Variants in ZNF772 observed in about 807,000 individuals in gnomAD.
ZNF772 encodes zinc finger protein 772.
ZNF772 carries 8 observed loss-of-function variants against 11.0 expected under a neutral mutation model. The observed-to-expected ratio is 0.73, with a 90% CI of 0.43 to 1.31. The LOEUF is 1.31. Ranked by LOEUF, ZNF772 falls within the 50% of genes most tolerant of loss-of-function variation. The pLI is 0.01. For synonymous variants in ZNF772, 155 were observed against 180.4 expected, an observed-to-expected ratio of 0.86 and a Z score of 1.13; for missense variants, 496 against 552.3, an observed-to-expected ratio of 0.90 and a Z score of 1.02.
At chr19:57,474,950 C>A (rs892695717) in intron 3 of ZNF772, 61 of 1,601,206 alleles carry the variant, frequency 3.8e-5, no homozygotes, top group Non-Finnish European at 4.9e-5. Context: ...ACTAATACAA[C>A]TGTAGGCACA....
rs1053508028 is a variant in ZNF772 at position 57,472,175 on chromosome 19, T to C, written c.*1099A>G. 4.4e-6 allele frequency: 2 copies of C among 456,042 alleles called. No individual in the cohort carries two copies. Among genetic ancestry groups the C allele is most frequent in the Non-Finnish European group, 8.8e-6 (2 of 226,916 alleles). The allele number at this position is 456,042 out of a possible 1,614,324, so 28.2% of individuals were successfully genotyped here. On this transcript the variant is annotated 3_prime_UTR_variant, in exon 4 of 4. Coordinates refer to ENST00000356584, the MANE Select transcript of ZNF772 (RefSeq NM_001144068.2). ...TTAGAAGGGTCATATTCCCTATAGT[T>C]TGCTGCAGTTTTCTCATTCCTTTAT... is the stretch of plus-strand genomic sequence containing the variant.
At position 57,473,013 on chromosome 19, in the gene ZNF772, C is replaced by A. The variant is rs372054512; in HGVS notation, c.*261G>T. ...GAAACACATTGGGGTTACTTTGGCA[C>A]AAGGCAGGACTCTTCCAGCACAAAG... On this transcript the variant is annotated 3_prime_UTR_variant, in exon 4 of 4. Coordinates refer to ENST00000356584, the MANE Select transcript of ZNF772 (RefSeq NM_001144068.2). 1.8e-5 allele frequency: 9 copies of A among 499,406 alleles called. No homozygotes were observed. Among genetic ancestry groups the A allele is most frequent in the Admixed American group, 3.5e-5 (1 of 28,908 alleles). 30.9% of individuals were successfully genotyped at this position (499,406 alleles called of 1,614,324 possible).
Position 57,473,444 on chromosome 19 carries a change from A to G in ZNF772, c.1177T>C (p.Tyr393His), listed in dbSNP as rs775990584. 4.3e-6 allele frequency: 7 copies of G among 1,614,168 alleles called. No homozygotes were observed. The highest frequency in any genetic ancestry group is 5.9e-6 in the Non-Finnish European group (7 of 1,180,034). Residue 393 changes from tyrosine to histidine, a missense_variant, in exon 4 of 4, where the codon TAT becomes CAT. Physicochemically the swap from Tyr to His is moderately conservative, Grantham distance 83. Coordinates refer to ENST00000356584, the MANE Select transcript of ZNF772 (RefSeq NM_001144068.2). Reference protein sequence around the residue: ...HQRVHNGEKPYVCSECGKAFS... With the variant: ...HQRVHNGEKPHVCSECGKAFS... ...GCTTTTCCACATTCACTGCACACAT[A>G]AGGCTTTTCACCATTATGAACTCTT...
At position 57,473,558 on chromosome 19, in the gene ZNF772, G is replaced by A. The variant is rs2089242095; in HGVS notation, c.1063C>T (p.His355Tyr). ...YFGHKYRLIKHWSVHTGARPY... is the reference protein window; with the variant it reads ...YFGHKYRLIKYWSVHTGARPY... ...CTTGCTCCAGTATGAACACTCCAAT[G>A]TTTAATGAGTCTGTATTTGTGACCA... is the stretch of plus-strand genomic sequence containing the variant. Residue 355 changes from histidine (H) to tyrosine (Y), a missense_variant, in exon 4 of 4, where the codon CAT (histidine) becomes TAT (tyrosine). Transcript: ENST00000356584. 3 of 1,613,256 alleles carry A rather than the reference G, an allele frequency of 1.9e-6. No individual in the cohort carries two copies. Among genetic ancestry groups the A allele is most frequent in the Non-Finnish European group, 2.5e-6 (3 of 1,179,292 alleles).
In ZNF772 at chr19:57,473,310, G is replaced by A. The variant is rs2089237314; in HGVS notation, c.1311C>T (p.Ile437=). ...GKAFRQRASL[I]RHWKIHTGER... is the part of the protein sequence containing the mutation. ...CTCCAGTGTGAATTTTCCAGTGGCG[G>A]ATGAGGGAAGCCCTCTGCCTGAAGG... Residue 437 remains isoleucine (I), a synonymous_variant, in exon 4 of 4, where the codon ATC becomes ATT. Coordinates refer to ENST00000356584, the MANE Select transcript of ZNF772 (RefSeq NM_001144068.2). 3 of 1,613,102 alleles carry A rather than the reference G, an allele frequency of 1.9e-6. No homozygotes were observed. Among genetic ancestry groups the A allele is most frequent in the East Asian group, 4.5e-5 (2 of 44,840 alleles).
rs781098749 is a variant in ZNF772, at chr19:57,473,855, C to T, written c.766G>A (p.Gly256Ser). ...CGGCTAAAGGTTTTCCCACATTCAC[C>T]GCACTCATAAGGCCTTTCTCCAGTG... ...VHTGERPYEC[G>S]ECGKTFSRKP... Residue 256 changes from glycine (G) to serine (S), a missense_variant, in exon 4 of 4, where the codon GGT becomes AGT. Gly to Ser is a moderately conservative substitution (Grantham distance 56). Transcript: ENST00000356584. The T allele has an allele frequency of 4.4e-5, 71 of 1,612,372 alleles. No homozygotes were observed. The Middle Eastern group carries it at 4.9e-4, about 11-fold the overall frequency.
At chr19:57,474,450 C>CA in intron 3 of ZNF772, 29 bp from the exon 4 acceptor site, 1 of 1,580,932 alleles carries the variant, frequency 6.3e-7, no homozygotes, top group Non-Finnish European at 8.6e-7. Context: ...TGGTGAAGTA[C>CA]AAATTGACAC....
intron 2 of ZNF772, among the ~76,000 whole-genome samples, chr19:57,476,196 C>T (rs1334194210): frequency 1.3e-5 from 2 of 152,230 alleles, no homozygotes; most frequent in Non-Finnish European, 2.9e-5. Flanking sequence ...AACTCTGGCT[C>T]TCCACCATCA....
Position 57,474,102 on chromosome 19 carries a change from A to G in ZNF772, c.519T>C (p.Ala173=). Residue 173 remains alanine, a synonymous_variant, in exon 4 of 4, where the codon GCT becomes GCC. Transcript: ENST00000356584. ...CAAAAGACATCTCCATTGATTGCACAGCACAGTTGTTCAGAAGAAAGGGCC... is the reference window on the plus strand; with the variant it reads ...CAAAAGACATCTCCATTGATTGCACGGCACAGTTGTTCAGAAGAAAGGGCC... ...KSRPFLLNNC[A]VQSMEMSFVT... is the part of the protein sequence containing the mutation. 1 of 1,614,176 alleles carries G rather than the reference A, an allele frequency of 6.2e-7. No individual in the cohort carries two copies.
chr19:57,472,077 A>C lies in ZNF772; in HGVS notation c.*1197T>G. The C allele has an allele frequency of 2.2e-6, 1 of 455,158 alleles. No individual in the cohort carries two copies. The highest frequency in any genetic ancestry group is 4.4e-6 in the Non-Finnish European group (1 of 226,660). 28.2% of individuals were successfully genotyped at this position (455,158 alleles called of 1,614,324 possible). On this transcript the variant is annotated 3_prime_UTR_variant, in exon 4 of 4. Transcript: ENST00000356584. Reference sequence around the variant, plus strand: ...TGGACAGTAACCTTAGCCATAAGAGACACAGGTATGGAAATATTTCTGTAA... The same window carrying C: ...TGGACAGTAACCTTAGCCATAAGAGCCACAGGTATGGAAATATTTCTGTAA...
rs202079467 is a variant in ZNF772, at chr19:57,477,287, C to T, written c.23G>A (p.Gly8Asp). 4 of 1,601,458 alleles carry T rather than the reference C, an allele frequency of 2.5e-6. No individual in the cohort carries two copies. Among genetic ancestry groups the T allele is most frequent in the African/African-American group, 2.8e-5 (2 of 71,580 alleles). The stretch of plus-strand genomic sequence containing the variant: ...AGACGCAGCACCCACCTGTGCCGGG[C>T]CCATCGGCTCAGCCGCCGCCATCAG... MAAAEPM[G>D]PAQVPMNSEV... is the part of the protein sequence containing the mutation. Residue 8 changes from glycine to aspartate, a missense_variant, in exon 1 of 4, where the codon GGC (glycine) becomes GAC (aspartate). Physicochemically the swap from Gly to Asp is moderately conservative, Grantham distance 94. Coordinates refer to ENST00000356584, the MANE Select transcript of ZNF772 (RefSeq NM_001144068.2).
At chr19:57,476,589 T>TGGGTGG (rs2123159782) in intron 2 of ZNF772, 45 bp downstream of exon 2, 1 of 1,596,586 alleles carries the variant, frequency 6.3e-7, no homozygotes, top group Non-Finnish European at 8.6e-7. Context: ...GAGAGCGTAT[T>TGGGTGG]GGGTGGGGGT....
rs1383202276 is a variant in ZNF772 at position 57,473,801 on chromosome 19, T to C, written c.820A>G (p.Ile274Val). The C allele has an allele frequency of 1.9e-6, 3 of 1,613,834 alleles. No individual in the cohort carries two copies. In the South Asian group the frequency reaches 3.3e-5, roughly 18 times the overall value. The change falls in exon 4 of 4, where the codon ATC becomes GTC. Residue 274 changes from isoleucine to valine, a missense_variant. Transcript: ENST00000356584. ...RKPILAQHQR[I>V]HTGEMPYECG... The stretch of plus-strand genomic sequence containing the variant: ...TCATAAGGCATTTCTCCAGTGTGGA[T>C]TCTCTGGTGCTGAGCAAGTATGGGT...
chr19:57,476,684 A>G lies in ZNF772; in HGVS notation c.34-12T>C, dbSNP rs746151467. On this transcript the variant is annotated splice_polypyrimidine_tract_variant and intron_variant, in intron 1 of 3. Transcript: ENST00000356584. ...GAGTTCATGGGAACCTGTGGGGAAG[A>G]GGGAGACTATGCGAGTCAAGCAATC... The G allele has an allele frequency of 2.5e-5, 39 of 1,587,210 alleles. No individual in the cohort carries two copies. The highest frequency in any genetic ancestry group is 3.3e-5 in the Non-Finnish European group (38 of 1,165,066).
At chr19:57,476,386 G>T in intron 2 of ZNF772, 1 of 531,388 alleles carries the variant, frequency 1.9e-6, no homozygotes, top group Non-Finnish European at 3.4e-6. Context: ...TCACCTCTAA[G>T]TATTTTGCAC....
chr19:57,475,771 C>T lies in ZNF772; in HGVS notation c.88G>A (p.Glu30Lys). ...VDPIQGQVNFEDVFVYFSQEE... is the reference protein window; with the variant it reads ...VDPIQGQVNFKDVFVYFSQEE... ...TGGGAGAAGTACACGAACACGTCCT[C>T]AAAGTTCACCTGCCCCTGCCACAAT... is the stretch of plus-strand genomic sequence containing the variant. Residue 30 changes from glutamate to lysine, a missense_variant, in exon 3 of 4, where the codon GAG becomes AAG. Glu to Lys is a moderately conservative substitution (Grantham distance 56). Transcript: ENST00000356584. This position sits in a 1 kb window ranked among gnomAD's most constrained non-coding sequence, Gnocchi z 4.2. The T allele has an allele frequency of 6.2e-7, 1 of 1,602,444 alleles. No homozygotes were observed. Among genetic ancestry groups the T allele is most frequent in the Non-Finnish European group, 8.5e-7 (1 of 1,173,718 alleles).
chr19:57,477,097 A>C (rs1600122252), intron 1 of ZNF772, among the ~76,000 whole-genome samples, 180 bp downstream of exon 1: 1 of 151,590 alleles, frequency 6.6e-6, no homozygotes, highest in African/African-American at 2.4e-5. Context: ...CTTTGCATAC[A>C]CTGGTCTCTC....
rs2089289746 is a variant in ZNF772, at chr19:57,476,813, C to G, written c.34-141G>C. ...TCTGTGCTTCCATCTTCAAGGATACCTCTTAACTGTGTTAGCTCGGAACAG... is the reference window on the plus strand; with the variant it reads ...TCTGTGCTTCCATCTTCAAGGATACGTCTTAACTGTGTTAGCTCGGAACAG... On this transcript the variant is annotated intron_variant, in intron 1 of 3. Coordinates refer to ENST00000356584, the MANE Select transcript of ZNF772 (RefSeq NM_001144068.2). 4 of 736,298 alleles carry G rather than the reference C, an allele frequency of 5.4e-6. No homozygotes were observed. In the South Asian group the frequency reaches 8.4e-5, roughly 15 times the overall value. 45.6% of individuals were successfully genotyped at this position (736,298 alleles called of 1,614,324 possible).
At position 57,471,896 on chromosome 19, in the gene ZNF772, G is replaced by T; in HGVS notation, c.*1378C>A. On this transcript the variant is annotated 3_prime_UTR_variant, in exon 4 of 4. Transcript: ENST00000356584. ...TACAAACAAATCTACAGTGACAACG[G>T]ATCAATAGTTGCCTGGGGATGGGTG... is the stretch of plus-strand genomic sequence containing the variant. The T allele has an allele frequency of 7.2e-6, 2 of 278,926 alleles. No individual in the cohort carries two copies. Among genetic ancestry groups the T allele is most frequent in the Non-Finnish European group, 1.4e-5 (2 of 141,694 alleles). 17.3% of individuals were successfully genotyped at this position (278,926 alleles called of 1,614,324 possible).
Sources: allele counts gnomAD v4.1 joint callset (sites outside exome capture counted in the v4.1 genomes callset), GRCh38; gene constraint gnomAD v4.1.1; non-coding constraint Gnocchi (gnomAD v3.1); transcripts MANE v1.5; gene names NCBI Gene and HGNC (gene_info 2026-07-23, HGNC 2026-07-21).